The following MIA2 variants were observed in gnomAD, a reference collection of about 807,000 sequenced individuals.
MIA2 encodes the protein MIA SH3 domain ER export factor 2, also known as melanoma inhibitory activity protein 2.
Under a neutral mutation model 167.8 loss-of-function variants are expected in MIA2, and 127 were observed. The observed-to-expected ratio is 0.76, with a 90% CI of 0.66 to 0.88. MIA2 has a LOEUF of 0.88. Among genes scored for constraint, MIA2 ranks in the 40% least tolerant of loss-of-function variants. MIA2 has a pLI of 0.00. For synonymous variants in MIA2, 552 were observed against 541.9 expected (o/e 1.02, Z -0.26); for missense variants, 1,690 against 1,624.7 (o/e 1.04, Z -0.69).
At chr14:39,263,144 C>G (rs537444429) in intron 6 of MIA2, among the ~76,000 whole-genome samples, 117 of 152,202 alleles carry the variant, frequency 7.7e-4, no homozygotes, top group Middle Eastern at 3.4e-3. Flanking sequence ...ATGATATTGG[C>G]TGTGGGTTTG....
chr14:39,309,133 T>C (rs1033484293), intron 18 of MIA2, among the ~76,000 whole-genome samples: 5 of 152,190 alleles, frequency 3.3e-5, no homozygotes. Flanking sequence ...CCATCTTCCA[T>C]ATTAGTCTAG....
chr14:39,266,766 A>C, intron 6 of MIA2: 2 of 981,046 alleles, frequency 2.0e-6, no homozygotes, highest in Non-Finnish European at 2.4e-6. Context: ...CAGGGCGCAG[A>C]CAGCAGGCTC....
chr14:39,293,421 A>G, intron 11 of MIA2, 40 bp downstream of exon 11: 1 of 1,292,824 alleles, frequency 7.7e-7, no homozygotes, highest in Non-Finnish European at 1.1e-6. Context: ...AGAAAAAGAA[A>G]GTTACTGAGC....
Position 39,304,286 on chromosome 14 carries a change from T to A in MIA2, c.2788-5T>A. 1 of 1,376,556 alleles carries A rather than the reference T, an allele frequency of 7.3e-7. No homozygotes were observed. Among genetic ancestry groups the A allele is most frequent in the Non-Finnish European group, 1.0e-6 (1 of 997,236 alleles). The allele number at this position is 1,376,556 out of a possible 1,614,324, so 85.3% of individuals were successfully genotyped here. A position where few individuals can be genotyped will look rare whatever the true frequency, so the allele number is the denominator to read the frequency against. ...TTACTTTTTTCCTTCTTCCCTTCTT[T>A]AAAGTTAAATGCTTCTTTAAAAACC... is the stretch of plus-strand genomic sequence containing the variant. On this transcript the variant is annotated splice_region_variant and splice_polypyrimidine_tract_variant and intron_variant, in intron 16 of 28. Coordinates refer to ENST00000640607, the MANE Select transcript of MIA2 (RefSeq NM_001329214.4).
chr14:39,266,874 A>T, intron 6 of MIA2: 1 of 749,226 alleles, frequency 1.3e-6, no homozygotes, highest in South Asian at 5.9e-5. Context: ...CGCCTCTAGG[A>T]GAAGTCTCGC....
At chr14:39,347,818 C>CTTTTTTTTTTTTTTTTTTTTTT (rs59832680) in intron 27 of MIA2, 47 bp downstream of exon 27, 1 of 644,380 alleles carries the variant, frequency 1.6e-6, no homozygotes. Context: ...CAGAAGCCTT[C>CTTTTTTTTTTTTTTTTTTTTTT]TTTTTTTTTT....
chr14:39,295,587 G>T (rs539322749), intron 13 of MIA2, among the ~76,000 whole-genome samples: 2 of 152,062 alleles, frequency 1.3e-5, no homozygotes, highest in East Asian at 1.9e-4. Flanking sequence ...TTTAGACGGA[G>T]TCTCACTCTG....
At chr14:39,237,135 T>C in intron 2 of MIA2, 80 bp downstream of exon 2, 1 of 1,510,396 alleles carries the variant, frequency 6.6e-7, no homozygotes, top group African/African-American at 1.4e-5. Flanking sequence ...TTTTCTTTTT[T>C]TTGGAAACAG....
At chr14:39,242,098 TGTG>T (rs941178543) in intron 3 of MIA2, among the ~76,000 whole-genome samples, 2 of 152,222 alleles carry the variant, frequency 1.3e-5, no homozygotes, top group Non-Finnish European at 2.9e-5. Context: ...ATATCTGGAT[TGTG>T]GTGATGGTAA....
intron 13 of MIA2, among the ~76,000 whole-genome samples, chr14:39,296,691 T>G (rs2061475219): frequency 6.6e-6 from 1 of 151,102 alleles, no homozygotes; most frequent in Non-Finnish European, 1.5e-5. Context: ...TTGTGCAGGT[T>G]AGTTACATAT....
intron 26 of MIA2, chr14:39,347,455 T>G (rs774301800): frequency 8.9e-6 from 4 of 450,836 alleles, no homozygotes; most frequent in East Asian, 4.3e-5. Flanking sequence ...CCCAGATGTC[T>G]TCTTAGCATT....
At chr14:39,295,088 A>G in intron 13 of MIA2, 59 bp downstream of exon 13, 1 of 1,201,884 alleles carries the variant, frequency 8.3e-7, no homozygotes, top group South Asian at 1.2e-5. Context: ...TGTTCTTGTC[A>G]TCCTCATGAC....
At chr14:39,358,142 G>C (rs2074578876) in intron 23 of MIA2, among the ~76,000 whole-genome samples, 1 of 152,184 alleles carries the variant, frequency 6.6e-6, no homozygotes, top group Non-Finnish European at 1.5e-5. Flanking sequence ...ATATCCTGCA[G>C]AGTGTTTTCC....
intron 20 of MIA2, 103 bp downstream of exon 20, chr14:39,314,902 C>A (rs1595506131): frequency 2.3e-6 from 2 of 859,040 alleles, no homozygotes; most frequent in East Asian, 3.1e-5. Flanking sequence ...ATTACTTGAC[C>A]AGTTGTATAC....
At chr14:39,343,548 A>G (rs1487505693) in intron 25 of MIA2, among the ~76,000 whole-genome samples, 1 of 152,214 alleles carries the variant, frequency 6.6e-6, no homozygotes, top group Non-Finnish European at 1.5e-5. Flanking sequence ...TTAGTTTGCA[A>G]AACTGCTTTA....
intron 6 of MIA2, chr14:39,267,414 G>C: frequency 6.2e-7 from 1 of 1,608,884 alleles, no homozygotes; most frequent in Non-Finnish European, 8.5e-7. Context: ...TTGTGGCCCC[G>C]ACAGGCCGGG....
At chr14:39,328,314 T>C (rs1185431683) in intron 25 of MIA2, among the ~76,000 whole-genome samples, 1 of 152,074 alleles carries the variant, frequency 6.6e-6, no homozygotes, top group Non-Finnish European at 1.5e-5. Context: ...TTTGTTGGGG[T>C]TGTTTGCTTT....
At chr14:39,267,220 G>T in intron 6 of MIA2, 1 of 1,346,356 alleles carries the variant, frequency 7.4e-7, no homozygotes, top group Non-Finnish European at 9.5e-7. Flanking sequence ...GGTCGGGCTC[G>T]GACCTGCGCT....
chr14:39,351,373 C>T (rs1377403180), downstream of MIA2: 1 of 112,018 alleles, frequency 8.9e-6, no homozygotes, highest in Non-Finnish European at 1.8e-5. Context: ...TTCTAACCCT[C>T]ACCTCAAAAA....
Sources: allele counts gnomAD v4.1 joint callset (sites outside exome capture counted in the v4.1 genomes callset), GRCh38; gene constraint gnomAD v4.1.1; transcripts MANE v1.5; gene names NCBI Gene and HGNC (gene_info 2026-07-23, HGNC 2026-07-21).